The following RAB38 variants were observed in gnomAD, a reference collection of about 807,000 sequenced individuals.
RAB38 encodes the protein ras-related protein Rab-38.
RAB38 carries 15 observed loss-of-function variants against 18.4 expected under a neutral mutation model. The observed-to-expected ratio is 0.82, with a 90% CI of 0.55 to 1.26. RAB38 has a LOEUF of 1.26. Ranked by LOEUF, RAB38 falls within the 50% of genes most tolerant of loss-of-function variation. The probability of loss-of-function intolerance (pLI) is 0.00; values close to 1 mark genes in which losing one functional copy is unlikely to be tolerated. For synonymous variants in RAB38, 101 were observed against 104.4 expected, an observed-to-expected ratio of 0.97 and a Z score of 0.20; for missense variants, 294 against 267.4, an observed-to-expected ratio of 1.10 and a Z score of -0.69.
At chr11:88,069,235 C>T in the RAB38 span, among the ~76,000 whole-genome samples, 1 of 152,212 alleles carries the variant, frequency 6.6e-6, no homozygotes, top group Non-Finnish European at 1.5e-5. Context: ...CCAGCACTGC[C>T]AGCCCACCCG....
the RAB38 span, among the ~76,000 whole-genome samples, chr11:87,885,381 G>T: frequency 6.7e-6 from 1 of 149,918 alleles, no homozygotes; most frequent in African/African-American, 2.4e-5. Context: ...GGTGTGTCAG[G>T]TGTGATCCTT....
chr11:88,047,443 C>T, the RAB38 span, among the ~76,000 whole-genome samples: 1 of 152,212 alleles, frequency 6.6e-6, no homozygotes, highest in African/African-American at 2.4e-5. Flanking sequence ...TCTTCCACAT[C>T]TATCATTGAA....
At chr11:88,168,002 G>A (rs971379533) in intron 1 of RAB38, among the ~76,000 whole-genome samples, 1 of 152,204 alleles carries the variant, frequency 6.6e-6, no homozygotes, top group African/African-American at 2.4e-5. Flanking sequence ...CATCAGAAGA[G>A]GGAGAGAAAG....
chr11:88,119,392 A>C (rs538961183), intron 2 of RAB38, among the ~76,000 whole-genome samples: 2 of 152,328 alleles, frequency 1.3e-5, no homozygotes, highest in South Asian at 4.1e-4. Context: ...TTTTTTAAAA[A>C]GATTCTACAC....
the RAB38 span, among the ~76,000 whole-genome samples, chr11:88,083,122 G>C: frequency 6.6e-6 from 1 of 151,662 alleles, no homozygotes; most frequent in Non-Finnish European, 1.5e-5. Context: ...TAGATGCAAG[G>C]CTCGCTCCCT....
chr11:88,175,424 G>A lies in RAB38; in HGVS notation c.-40C>T. 6.2e-7 allele frequency: 1 copy of A among 1,608,006 alleles called. No homozygotes were observed. Among genetic ancestry groups the A allele is most frequent in the Non-Finnish European group, 8.5e-7 (1 of 1,175,282 alleles). ...AGACGTGCCGTGCCTGACCAGGGAA[G>A]CGCAGCCTGGGCTCTGCGCACGAGA... is the stretch of plus-strand genomic sequence containing the variant. On this transcript the variant is annotated 5_prime_UTR_variant, in exon 1 of 3. Coordinates refer to ENST00000243662, the MANE Select transcript of RAB38 (RefSeq NM_022337.3).
chr11:87,931,047 G>C, the RAB38 span, among the ~76,000 whole-genome samples: 4 of 152,082 alleles, frequency 2.6e-5, no homozygotes, highest in Non-Finnish European at 4.4e-5. Context: ...TGGCAATGCG[G>C]GTTCTTTTTT....
the RAB38 span, among the ~76,000 whole-genome samples, chr11:87,894,334 GT>G: frequency 1.8e-4 from 27 of 151,770 alleles, no homozygotes; most frequent in Non-Finnish European, 3.1e-4. Flanking sequence ...GTGTAAAAGA[GT>G]TTTGTTAGAC....
chr11:87,957,078 C>T, the RAB38 span, among the ~76,000 whole-genome samples: 2 of 151,980 alleles, frequency 1.3e-5, no homozygotes, highest in African/African-American at 4.8e-5. Context: ...ATGAATCTGT[C>T]TATTGTTATA....
chr11:88,009,294 T>C, the RAB38 span, among the ~76,000 whole-genome samples: 1 of 152,194 alleles, frequency 6.6e-6, no homozygotes, highest in Non-Finnish European at 1.5e-5. Flanking sequence ...GGCACTGCTA[T>C]TCAAGCAGTC....
At chr11:88,014,219 A>T in the RAB38 span, among the ~76,000 whole-genome samples, 1 of 152,128 alleles carries the variant, frequency 6.6e-6, no homozygotes, top group African/African-American at 2.4e-5. Context: ...AGGTAGTTTC[A>T]ACTGCATGTT....
chr11:87,829,776 C>G, the RAB38 span, among the ~76,000 whole-genome samples: 5 of 152,114 alleles, frequency 3.3e-5, no homozygotes, highest in African/African-American at 1.2e-4. Context: ...GGAGGTAACT[C>G]TCAGCAGTGT....
At chr11:88,004,235 G>T in the RAB38 span, among the ~76,000 whole-genome samples, 5 of 150,126 alleles carry the variant, frequency 3.3e-5, no homozygotes, top group East Asian at 5.8e-4. Flanking sequence ...GATTTAAAAA[G>T]TCTTTATTAA....
chr11:87,843,177 T>C, the RAB38 span, among the ~76,000 whole-genome samples: 1 of 152,252 alleles, frequency 6.6e-6, no homozygotes, highest in African/African-American at 2.4e-5. Context: ...CATCCGCTTA[T>C]GTCTACCTCT....
chr11:88,170,404 T>G (rs2134857945), intron 1 of RAB38, among the ~76,000 whole-genome samples: 1 of 152,362 alleles, frequency 6.6e-6, no homozygotes, highest in South Asian at 2.1e-4. Flanking sequence ...AAGACCCATC[T>G]TCTACAACTG....
At chr11:88,077,028 G>GAAAAGAAAAGAAAAGAAAAGAAAAGA in the RAB38 span, among the ~76,000 whole-genome samples, 26 of 94,148 alleles carry the variant, frequency 2.8e-4, 1 homozygote, top group South Asian at 1.1e-3. Flanking sequence ...GAAAAGAAAA[G>GAAAAGAAAAGAAAAGAAAAGAAAAGA]AAAGAAAGCA....
chr11:88,065,112 T>C, the RAB38 span, among the ~76,000 whole-genome samples: 1 of 152,200 alleles, frequency 6.6e-6, no homozygotes, highest in Non-Finnish European at 1.5e-5. Context: ...GCTTGCAGCA[T>C]TTCCCTCACA....
At chr11:88,032,272 C>A in the RAB38 span, among the ~76,000 whole-genome samples, 187 of 152,112 alleles carry the variant, frequency 1.2e-3, no homozygotes, top group African/African-American at 4.0e-3. Context: ...AAAACCATAA[C>A]AACCCTAGAA....
At chr11:87,920,829 A>C in the RAB38 span, among the ~76,000 whole-genome samples, 11 of 152,048 alleles carry the variant, frequency 7.2e-5, no homozygotes, top group African/African-American at 2.7e-4. Flanking sequence ...ATGTTGGGTG[A>C]ACATGTATTT....
Sources: allele counts gnomAD v4.1 joint callset (sites outside exome capture counted in the v4.1 genomes callset), GRCh38; gene constraint gnomAD v4.1.1; transcripts MANE v1.5; gene names NCBI Gene and HGNC (gene_info 2026-07-23, HGNC 2026-07-21).